Variants in DLG2 observed in about 807,000 individuals in gnomAD.
DLG2 encodes disks large homolog 2.
A neutral mutation model predicts 132.5 loss-of-function variants in DLG2; 45 were observed. The ratio of observed to expected loss-of-function variants is 0.34; its 90% CI spans 0.27 to 0.44. DLG2 has a LOEUF of 0.44. Among genes scored for constraint, DLG2 ranks in the 20% least tolerant of loss-of-function variants. DLG2 has a pLI of 1.00. For synonymous variants in DLG2, 424 were observed against 419.6 expected (o/e 1.01, Z -0.13); for missense variants, 1,045 against 1,196.9 (o/e 0.87, Z 1.87).
At chr11:84,232,818 G>A (rs2097110595) in intron 8 of DLG2, among the ~76,000 whole-genome samples, 1 of 152,148 alleles carries the variant, frequency 6.6e-6, no homozygotes, top group Non-Finnish European at 1.5e-5. Context: ...AACTAAAAGA[G>A]AGTTTATAAA....
chr11:84,537,521 A>G (rs2099358531), intron 6 of DLG2, among the ~76,000 whole-genome samples: 1 of 152,188 alleles, frequency 6.6e-6, no homozygotes, highest in Admixed American at 6.5e-5. Context: ...TACACATAAA[A>G]TTTTGACCAT....
intron 7 of DLG2, among the ~76,000 whole-genome samples, chr11:84,430,263 C>A (rs972712665): frequency 6.6e-6 from 1 of 151,800 alleles, no homozygotes. Flanking sequence ...TGGTGAAACC[C>A]CATCTCTACT....
At chr11:84,184,888 C>T (rs558074919) in intron 8 of DLG2, among the ~76,000 whole-genome samples, 4 of 152,092 alleles carry the variant, frequency 2.6e-5, no homozygotes, top group South Asian at 2.1e-4. Context: ...TGTAGATATG[C>T]GACATTATTT....
chr11:85,465,198 C>T (rs1224636599), intron 3 of DLG2, among the ~76,000 whole-genome samples: 2 of 133,244 alleles, frequency 1.5e-5, no homozygotes, highest in East Asian at 2.6e-4. Flanking sequence ...GGTTAATTGT[C>T]GTGGCACAAT....
chr11:84,609,133 C>T lies in DLG2; in HGVS notation c.358-74402G>A, dbSNP rs1383783315. Among the ~76,000 whole-genome samples the T allele has an allele frequency of 2.6e-4, 40 of 152,124 alleles. 2 individuals carry two copies. Among genetic ancestry groups the T allele is most frequent in the Admixed American group, 2.6e-3 (40 of 15,250 alleles). On this transcript the variant is annotated intron_variant, in intron 6 of 27. Coordinates refer to ENST00000376104, the MANE Select transcript of DLG2 (RefSeq NM_001142699.3). ...CACAAAGTGTCTCTGGGAGGCAATG[C>T]ATTGGAGTGGTTTAGAATGCTGACT...
intron 20 of DLG2, 51 bp downstream of exon 20, chr11:83,541,631 A>C: frequency 6.8e-7 from 1 of 1,462,352 alleles, no homozygotes; most frequent in Non-Finnish European, 9.1e-7. Flanking sequence ...CCTCATCTCC[A>C]CTCGCTGGAT....
In DLG2 at chr11:84,489,128, C is replaced by G. The variant is rs1248511329; in HGVS notation, c.519+45442G>C. On this transcript the variant is annotated intron_variant, in intron 7 of 27. Transcript: ENST00000376104. ...TTTTTTTCTTTCTATAATACAGATT[C>G]ATCCCCTGCATGGCTTTATGTTTGG... 2.0e-5 allele frequency among the ~76,000 whole-genome samples: 3 copies of G among 152,038 alleles called. No homozygotes were observed. The East Asian group carries it at 5.8e-4, about 29-fold the overall frequency.
intron 11 of DLG2, among the ~76,000 whole-genome samples, chr11:83,990,483 G>A (rs556822642): frequency 6.6e-6 from 1 of 152,080 alleles, no homozygotes; most frequent in Non-Finnish European, 1.5e-5. Flanking sequence ...ACGGATCGTG[G>A]TTCACTCTTT....
chr11:84,181,180 T>C (rs1293291123), intron 8 of DLG2, among the ~76,000 whole-genome samples: 3 of 151,740 alleles, frequency 2.0e-5, no homozygotes, highest in African/African-American at 7.3e-5. Context: ...TATGATTATA[T>C]ATAAGTGAAA....
At chr11:84,732,888 A>G (rs1358673714) in intron 6 of DLG2, among the ~76,000 whole-genome samples, 3 of 148,428 alleles carry the variant, frequency 2.0e-5, no homozygotes, top group South Asian at 2.1e-4. Flanking sequence ...AGAACATGTG[A>G]TGTTTGGTTT....
chr11:85,188,540 A>G (rs904007189), intron 4 of DLG2, among the ~76,000 whole-genome samples: 23 of 152,214 alleles, frequency 1.5e-4, no homozygotes, highest in African/African-American at 5.3e-4. Flanking sequence ...TGAATACACA[A>G]TAGACCTAAC....
intron 6 of DLG2, among the ~76,000 whole-genome samples, chr11:85,001,631 A>C (rs887852434): frequency 6.6e-6 from 1 of 152,204 alleles, no homozygotes; most frequent in East Asian, 1.9e-4. Flanking sequence ...TGGGAAGAGC[A>C]CAGAGGATTT....
At chr11:84,594,069 G>T (rs925946911) in intron 6 of DLG2, among the ~76,000 whole-genome samples, 2 of 152,008 alleles carry the variant, frequency 1.3e-5, no homozygotes, top group Admixed American at 6.6e-5. Context: ...AAATAATGAT[G>T]TATCTTAGAG....
At chr11:85,353,891 G>C (rs931711655) in intron 3 of DLG2, among the ~76,000 whole-genome samples, 3 of 151,750 alleles carry the variant, frequency 2.0e-5, no homozygotes, top group African/African-American at 4.8e-5. Flanking sequence ...TAACGTAAAT[G>C]ATGAGTTAAT....
At chr11:85,517,521 A>C (rs1259334164) in intron 3 of DLG2, among the ~76,000 whole-genome samples, 2 of 152,216 alleles carry the variant, frequency 1.3e-5, no homozygotes, top group African/African-American at 4.8e-5. Context: ...ATGATCATAC[A>C]CATAGAAAAC....
intron 17 of DLG2, among the ~76,000 whole-genome samples, chr11:83,803,931 G>A (rs1189735030): frequency 6.6e-6 from 1 of 152,092 alleles, no homozygotes; most frequent in African/African-American, 2.4e-5. Context: ...GGACTCATCT[G>A]ATGTTTTTTT....
At chr11:85,083,962 T>A (rs1256344815) in intron 6 of DLG2, among the ~76,000 whole-genome samples, 2 of 151,988 alleles carry the variant, frequency 1.3e-5, no homozygotes, top group East Asian at 3.9e-4. Context: ...AGAAAAAGGG[T>A]CCATTCAGTT....
At chr11:85,541,565 C>T (rs1408401023) in intron 3 of DLG2, among the ~76,000 whole-genome samples, 1 of 151,556 alleles carries the variant, frequency 6.6e-6, no homozygotes, top group Non-Finnish European at 1.5e-5. Flanking sequence ...ACTTAGAAAA[C>T]ATCTCCAAAC....
chr11:85,064,376 C>T (rs1490795198), intron 6 of DLG2, among the ~76,000 whole-genome samples: 2 of 151,702 alleles, frequency 1.3e-5, no homozygotes, highest in South Asian at 2.1e-4. Flanking sequence ...CATCATATTG[C>T]ACATCAGACC....
Sources: allele counts gnomAD v4.1 joint callset (sites outside exome capture counted in the v4.1 genomes callset), GRCh38; gene constraint gnomAD v4.1.1; transcripts MANE v1.5; gene names NCBI Gene and HGNC (gene_info 2026-07-23, HGNC 2026-07-21).